ATG10: variants seen among roughly 807,000 people sequenced by gnomAD.
ATG10 encodes autophagy related 10.
ATG10 carries 30 observed loss-of-function variants against 32.1 expected under a neutral mutation model. The observed-to-expected ratio is 0.94, with a 90% CI of 0.70 to 1.27. The LOEUF (loss-of-function observed/expected upper bound fraction) is 1.27, where lower values mean the gene tolerates loss of function less well. Ranked by LOEUF, ATG10 falls within the 50% of genes most tolerant of loss-of-function variation. The pLI is 0.00. For missense variants in ATG10, 233 were observed against 262.3 expected, an observed-to-expected ratio of 0.89 and a Z score of 0.77; for synonymous variants, 87 against 91.5, an observed-to-expected ratio of 0.95 and a Z score of 0.28.
At chr5:82,109,942 A>G (rs972992026) in intron 3 of ATG10, among the ~76,000 whole-genome samples, 1 of 113,636 alleles carries the variant, frequency 8.8e-6, no homozygotes, top group African/African-American at 2.8e-5. Context: ...TCCTAATGCT[A>G]TCCCCCATCC....
At chr5:82,041,833 G>C (rs1763093908) in intron 2 of ATG10, among the ~76,000 whole-genome samples, 1 of 151,702 alleles carries the variant, frequency 6.6e-6, no homozygotes, top group South Asian at 2.1e-4. Context: ...ATTTCGGATA[G>C]TTTCTATTGC....
intron 4 of ATG10, among the ~76,000 whole-genome samples, chr5:82,174,566 T>C (rs1743936280): frequency 6.6e-6 from 1 of 152,252 alleles, no homozygotes; most frequent in African/African-American, 2.4e-5. Flanking sequence ...TAATTTTTTT[T>C]CCTTTGATTT....
At chr5:82,184,384 A>G (rs1744365821) in intron 5 of ATG10, among the ~76,000 whole-genome samples, 1 of 152,188 alleles carries the variant, frequency 6.6e-6, no homozygotes, top group Admixed American at 6.5e-5. Flanking sequence ...AGGTAAACAT[A>G]GTTATTTCAG....
intron 3 of ATG10, among the ~76,000 whole-genome samples, chr5:82,062,718 A>C (rs1292806278): frequency 6.6e-6 from 1 of 152,216 alleles, no homozygotes; most frequent in Non-Finnish European, 1.5e-5. Flanking sequence ...CGTTGGGAAT[A>C]ATGAGTAGCC....
intron 3 of ATG10, among the ~76,000 whole-genome samples, chr5:82,063,329 A>G (rs1763842072): frequency 6.6e-6 from 1 of 152,126 alleles, no homozygotes; most frequent in Admixed American, 6.6e-5. Context: ...TCTCAAAATA[A>G]AAACAAAAAA....
chr5:82,174,756 TA>T (rs1743944317), intron 4 of ATG10, among the ~76,000 whole-genome samples: 1 of 152,166 alleles, frequency 6.6e-6, no homozygotes, highest in Admixed American at 6.5e-5. Context: ...GTCTTTTGAA[TA>T]TTTAAGACCT....
chr5:82,101,239 T>C (rs1487877306), intron 3 of ATG10, among the ~76,000 whole-genome samples: 1 of 152,156 alleles, frequency 6.6e-6, no homozygotes, highest in African/African-American at 2.4e-5. Context: ...GTACTCCGAC[T>C]CTGATATCCT....
At chr5:82,252,759 T>C in intron 6 of ATG10, 100 bp downstream of exon 6, 1 of 683,144 alleles carries the variant, frequency 1.5e-6, no homozygotes, top group Non-Finnish European at 2.5e-6. Context: ...GAAATATTAA[T>C]AATAATAATG....
At chr5:82,053,026 T>C (rs1471229274) in intron 2 of ATG10, among the ~76,000 whole-genome samples, 2 of 152,168 alleles carry the variant, frequency 1.3e-5, no homozygotes, top group African/African-American at 4.8e-5. Context: ...CCAAGGTGTG[T>C]GCATTTTAAA....
intron 5 of ATG10, among the ~76,000 whole-genome samples, chr5:82,212,240 C>A (rs551595974): frequency 7.9e-5 from 12 of 152,310 alleles, no homozygotes; most frequent in African/African-American, 2.6e-4. Context: ...TGTACCCACA[C>A]TCTCTGCCTT....
intron 2 of ATG10, among the ~76,000 whole-genome samples, chr5:82,033,814 T>C (rs1017464468): frequency 9.9e-5 from 15 of 151,528 alleles, no homozygotes; most frequent in African/African-American, 3.6e-4. Flanking sequence ...GATACACATA[T>C]GTATATATCT....
chr5:82,174,510 C>A (rs77295166), intron 4 of ATG10, among the ~76,000 whole-genome samples: 1 of 151,972 alleles, frequency 6.6e-6, no homozygotes, highest in Non-Finnish European at 1.5e-5. Context: ...ATTTGTTTGG[C>A]GACAACAAAA....
intron 3 of ATG10, among the ~76,000 whole-genome samples, chr5:82,163,477 C>T (rs1481895867): frequency 1.3e-5 from 2 of 152,158 alleles, no homozygotes; most frequent in Non-Finnish European, 2.9e-5. Flanking sequence ...AGTATGAAAT[C>T]TTTCCTTAGT....
chr5:82,011,158 C>G (rs1308261031), intron 2 of ATG10, among the ~76,000 whole-genome samples: 1 of 152,146 alleles, frequency 6.6e-6, no homozygotes, highest in African/African-American at 2.4e-5. Flanking sequence ...TAAAACTGAG[C>G]TGATCATTTT....
At chr5:82,039,998 A>G (rs947808588) in intron 2 of ATG10, among the ~76,000 whole-genome samples, 2 of 152,138 alleles carry the variant, frequency 1.3e-5, no homozygotes, top group African/African-American at 4.8e-5. Context: ...CTGGGATCTT[A>G]TGGGGTCGTG....
chr5:82,064,115 T>C (rs1018623490), intron 3 of ATG10, among the ~76,000 whole-genome samples: 4 of 152,238 alleles, frequency 2.6e-5, no homozygotes, highest in African/African-American at 9.6e-5. Flanking sequence ...TTATCTATCA[T>C]GAAAAATTAT....
chr5:81,995,894 G>T (rs1761650423), intron 2 of ATG10, among the ~76,000 whole-genome samples: 1 of 152,144 alleles, frequency 6.6e-6, no homozygotes, highest in African/African-American at 2.4e-5. Context: ...TTTATTTCTG[G>T]AGATAATTTG....
chr5:82,077,037 G>C (rs199790214), intron 3 of ATG10, among the ~76,000 whole-genome samples: 1 of 152,274 alleles, frequency 6.6e-6, no homozygotes, highest in South Asian at 2.1e-4. Flanking sequence ...ATAATTTTGA[G>C]ATCCAGCTGG....
chr5:82,179,296 T>C (rs1744146977), intron 5 of ATG10, among the ~76,000 whole-genome samples: 1 of 152,124 alleles, frequency 6.6e-6, no homozygotes, highest in Non-Finnish European at 1.5e-5. Flanking sequence ...TTATTCTTCA[T>C]TGTACATGCA....
Sources: gnomAD v4.1 joint callset for allele counts (sites outside exome capture counted in the v4.1 genomes callset) on GRCh38, gnomAD v4.1.1 for gene constraint, MANE v1.5 for transcripts, NCBI Gene and HGNC (gene_info 2026-07-23, HGNC 2026-07-21) for gene names.